Variants in EFHB observed in about 807,000 individuals in gnomAD.
The protein encoded by EFHB is EF-hand domain family member B.
Under a neutral mutation model 87.2 loss-of-function variants are expected in EFHB, and 91 were observed. The ratio of observed to expected loss-of-function variants is 1.04; its 90% CI spans 0.88 to 1.24. The LOEUF (loss-of-function observed/expected upper bound fraction) is 1.24. Among genes scored for constraint, EFHB ranks in the 50% most tolerant of loss-of-function variants. EFHB has a pLI of 0.00. For missense variants in EFHB, 1,084 were observed against 998.8 expected (o/e 1.09, Z -1.15); for synonymous variants, 325 against 333.6 (o/e 0.97, Z 0.28).
chr3:19,921,318 A>C (rs1695428716), intron 1 of EFHB, among the ~76,000 whole-genome samples: 1 of 152,126 alleles, frequency 6.6e-6, no homozygotes, highest in Non-Finnish European at 1.5e-5. Context: ...AGGGTTTAAG[A>C]GACTGTCTTG....
chr3:19,945,147 T>TA (rs1270093993), intron 1 of EFHB, among the ~76,000 whole-genome samples: 4 of 151,752 alleles, frequency 2.6e-5, no homozygotes, highest in Non-Finnish European at 5.9e-5. Context: ...GTGGAGAAAA[T>TA]AAAGTGATCA....
chr3:19,918,477 C>G, intron 3 of EFHB, 65 bp from the exon 4 acceptor site: 2 of 1,412,160 alleles, frequency 1.4e-6, no homozygotes, highest in Non-Finnish European at 9.5e-7. Context: ...AATAGAAACC[C>G]TAATCAATAG....
chr3:19,895,017 T>C (rs1694432127), intron 9 of EFHB: 1 of 147,350 alleles, frequency 6.8e-6, no homozygotes, highest in South Asian at 2.1e-4. Flanking sequence ...TAAAAATATA[T>C]AGTTTTTATA....
chr3:19,884,424 C>A lies in EFHB; in HGVS notation c.2125G>T (p.Val709Leu). The change falls in exon 11 of 13, where the codon GTA becomes TTA. Residue 709 changes from valine (V) to leucine (L), a missense_variant. Val to Leu is a conservative substitution (Grantham distance 32). Coordinates refer to ENST00000295824, the MANE Select transcript of EFHB (RefSeq NM_144715.4). ...ATACAAGTAGAAGGAATGGCTCCTA[C>A]AATTGCATTGATCTCAGAAGAAGTT... Reference protein sequence around the residue: ...KTTSSEINAIVGAIPSTCYPI... With the variant: ...KTTSSEINAILGAIPSTCYPI... 6.2e-7 allele frequency: 1 copy of A among 1,613,672 alleles called. No individual in the cohort carries two copies. Among genetic ancestry groups the A allele is most frequent in the South Asian group, 1.1e-5 (1 of 90,988 alleles).
In EFHB at chr3:19,880,760, T is replaced by A. The variant is rs1346492182; in HGVS notation, c.2329-956A>T. ...AAACAGATGAAGGCGGGGAAAAACATGCTTCTTATGTCTTAAGAAAAATAT... is the reference window on the plus strand; with the variant it reads ...AAACAGATGAAGGCGGGGAAAAACAAGCTTCTTATGTCTTAAGAAAAATAT... On this transcript the variant is annotated intron_variant, in intron 12 of 12. Coordinates refer to ENST00000295824, the MANE Select transcript of EFHB (RefSeq NM_144715.4). 2.0e-5 allele frequency among the ~76,000 whole-genome samples: 3 copies of A among 152,232 alleles called. No individual in the cohort carries two copies. The East Asian group carries it at 5.8e-4, about 29-fold the overall frequency.
intron 12 of EFHB, among the ~76,000 whole-genome samples, chr3:19,880,099 G>C (rs908371203): frequency 6.6e-6 from 1 of 151,934 alleles, no homozygotes; most frequent in Non-Finnish European, 1.5e-5. Context: ...TTATTTTAAG[G>C]AGAGGTAGCA....
chr3:19,891,037 G>A (rs538274508), intron 9 of EFHB, among the ~76,000 whole-genome samples: 4 of 151,594 alleles, frequency 2.6e-5, no homozygotes, highest in East Asian at 3.9e-4. Flanking sequence ...TCAGCTTTAC[G>A]TGTAAAAGAG....
intron 1 of EFHB, among the ~76,000 whole-genome samples, chr3:19,922,377 T>C (rs989214138): frequency 9.9e-5 from 15 of 152,214 alleles, no homozygotes; most frequent in Non-Finnish European, 2.2e-4. Context: ...TCCCCAGTTC[T>C]TCTTCATCCT....
At chr3:19,926,090 G>A (rs1695612145) in intron 1 of EFHB, among the ~76,000 whole-genome samples, 1 of 152,090 alleles carries the variant, frequency 6.6e-6, no homozygotes, top group Non-Finnish European at 1.5e-5. Flanking sequence ...TGCATAACTA[G>A]GAAGGTCCCA....
At chr3:19,943,956 G>A (rs932885194) in intron 1 of EFHB, among the ~76,000 whole-genome samples, 31 of 152,350 alleles carry the variant, frequency 2.0e-4, no homozygotes, top group African/African-American at 7.2e-4. Flanking sequence ...ACTTCGATAT[G>A]TAACAAAGCA....
chr3:19,931,569 C>A (rs1482410115), intron 1 of EFHB, among the ~76,000 whole-genome samples: 1 of 152,162 alleles, frequency 6.6e-6, no homozygotes, highest in Non-Finnish European at 1.5e-5. Flanking sequence ...CAAACCCAGA[C>A]AAAATTCTGT....
At chr3:19,889,665 T>C (rs1694237168) in intron 9 of EFHB, among the ~76,000 whole-genome samples, 1 of 152,152 alleles carries the variant, frequency 6.6e-6, no homozygotes, top group South Asian at 2.1e-4. Context: ...TCAAACAGAA[T>C]GAGAACTTAA....
At chr3:19,886,657 A>G (rs1438520832) in intron 10 of EFHB, among the ~76,000 whole-genome samples, 2 of 137,686 alleles carry the variant, frequency 1.5e-5, no homozygotes, top group Non-Finnish European at 3.1e-5. Flanking sequence ...GCCTGGGCAA[A>G]CAGAGTGAGA....
At chr3:19,890,141 T>C (rs7624970) in intron 9 of EFHB, among the ~76,000 whole-genome samples, 7,540 of 152,246 alleles carry the variant, frequency 0.05, 619 homozygotes, top group African/African-American at 0.17. Flanking sequence ...TGCAGGGCTT[T>C]GTGTGCACTG....
At chr3:19,885,053 C>G (rs893449298) in intron 10 of EFHB, among the ~76,000 whole-genome samples, 3 of 151,852 alleles carry the variant, frequency 2.0e-5, no homozygotes, top group African/African-American at 7.3e-5. Flanking sequence ...GAAACCCCGT[C>G]TCTATTAAAA....
At position 19,933,446 on chromosome 3, in the gene EFHB, C is replaced by G. The variant is rs775135476; in HGVS notation, c.573G>C (p.Glu191Asp). ...CGGCTTGGGTTAGTCCAATGTCCAC[C>G]TCCACAGGAAGCTTAATCTCTGTGT... ...KPNTEIKLPVEVDIGLTQAEG... is the reference protein window; with the variant it reads ...KPNTEIKLPVDVDIGLTQAEG... The change falls in exon 1 of 13, where the codon GAG becomes GAC. Residue 191 changes from glutamate (E) to aspartate (D), a missense_variant. Glu to Asp is a conservative substitution (Grantham distance 45). Coordinates refer to ENST00000295824, the MANE Select transcript of EFHB (RefSeq NM_144715.4). 1.2e-6 allele frequency: 2 copies of G among 1,613,882 alleles called. No homozygotes were observed. The highest frequency in any genetic ancestry group is 2.7e-5 in the African/African-American group (2 of 74,916).
At chr3:19,913,456 G>A (rs532757097) in intron 5 of EFHB, among the ~76,000 whole-genome samples, 2 of 152,200 alleles carry the variant, frequency 1.3e-5, no homozygotes, top group African/African-American at 4.8e-5. Flanking sequence ...AAACACAATA[G>A]CCACACATAA....
In EFHB at chr3:19,942,003, A is replaced by C. The variant is rs1221818406; in HGVS notation, c.-32+4916T>G. Among the ~76,000 whole-genome samples, 3 of 151,672 alleles carry C rather than the reference A, an allele frequency of 2.0e-5. No individual in the cohort carries two copies. In the East Asian group the frequency reaches 5.9e-4, roughly 30 times the overall value. On this transcript the variant is annotated intron_variant, in intron 1 of 14. Coordinates refer to the EFHB transcript ENST00000344838. ...AACCACGTCTCTACTAAAAATACAA[A>C]AAAAATTACCCAGGCGTGGTGGTGG...
chr3:19,920,731 G>A (rs13079262), intron 1 of EFHB, among the ~76,000 whole-genome samples, 164 bp from the exon 2 acceptor site: 31,879 of 152,126 alleles, frequency 0.21, 3,788 homozygotes, highest in Middle Eastern at 0.27. Flanking sequence ...ATCTTCATAC[G>A]TAACAAACAT....
Sources: gnomAD v4.1 joint callset for allele counts (sites outside exome capture counted in the v4.1 genomes callset) on GRCh38, gnomAD v4.1.1 for gene constraint, MANE v1.5 for transcripts, NCBI Gene and HGNC (gene_info 2026-07-23, HGNC 2026-07-21) for gene names.